The following LHFPL6 variants were observed in gnomAD, a reference collection of about 807,000 sequenced individuals.
The protein encoded by LHFPL6 is LHFPL tetraspan subfamily member 6.
In LHFPL6, 9 loss-of-function variants were observed where a neutral mutation model predicts 20.6. The observed-to-expected ratio is 0.44, with a 90% CI of 0.26 to 0.76. The LOEUF (loss-of-function observed/expected upper bound fraction) is 0.76, where lower values mean the gene tolerates loss of function less well. Ranked by LOEUF, LHFPL6 falls within the 30% of genes least tolerant of loss-of-function variation. The pLI is 0.20. For synonymous variants in LHFPL6, 105 were observed against 98.7 expected, an observed-to-expected ratio of 1.06 and a Z score of -0.38; for missense variants, 218 against 253.5, an observed-to-expected ratio of 0.86 and a Z score of 0.95.
intron 2 of LHFPL6, among the ~76,000 whole-genome samples, chr13:39,463,533 A>G (rs2138430679): frequency 6.6e-6 from 1 of 152,338 alleles, no homozygotes; most frequent in East Asian, 1.9e-4. Flanking sequence ...TCTTGCATAC[A>G]AAGATTTATT....
chr13:39,590,031 G>A (rs1872552897), intron 2 of LHFPL6, among the ~76,000 whole-genome samples: 1 of 152,082 alleles, frequency 6.6e-6, no homozygotes, highest in Non-Finnish European at 1.5e-5. Context: ...CAAAAATTCT[G>A]ATTTCTAAAT....
At chr13:39,518,152 C>T (rs971636715) in intron 2 of LHFPL6, among the ~76,000 whole-genome samples, 3 of 150,346 alleles carry the variant, frequency 2.0e-5, no homozygotes, top group South Asian at 2.2e-4. Flanking sequence ...CGAATAGCGA[C>T]GCTCAAAGAC....
chr13:39,392,839 AT>A (rs773222031), intron 2 of LHFPL6, among the ~76,000 whole-genome samples: 2 of 151,960 alleles, frequency 1.3e-5, no homozygotes, highest in East Asian at 1.9e-4. Flanking sequence ...TGTAAAATAT[AT>A]TTATAAGATA....
intron 2 of LHFPL6, among the ~76,000 whole-genome samples, chr13:39,494,462 A>G (rs572903246): frequency 4.6e-5 from 7 of 152,072 alleles, no homozygotes; most frequent in Non-Finnish European, 8.8e-5. Flanking sequence ...ATGGGATTCC[A>G]CCTTGGCAGC....
chr13:39,447,767 C>T (rs1400858150), intron 2 of LHFPL6, among the ~76,000 whole-genome samples: 1 of 152,116 alleles, frequency 6.6e-6, no homozygotes, highest in Non-Finnish European at 1.5e-5. Context: ...AGATCCATCC[C>T]CGACCTAGTA....
chr13:39,442,592 C>T (rs1395291434), intron 2 of LHFPL6, among the ~76,000 whole-genome samples: 1 of 152,206 alleles, frequency 6.6e-6, no homozygotes, highest in African/African-American at 2.4e-5. Context: ...GGAACGATTG[C>T]TGATTAGCTA....
intron 2 of LHFPL6, among the ~76,000 whole-genome samples, chr13:39,402,956 A>T (rs1377802265): frequency 1.3e-5 from 2 of 152,208 alleles, no homozygotes; most frequent in African/African-American, 2.4e-5. Context: ...ACAGTACTCA[A>T]GTCCTCACTT....
chr13:39,589,253 C>T (rs182239420), intron 2 of LHFPL6, among the ~76,000 whole-genome samples: 20 of 152,222 alleles, frequency 1.3e-4, no homozygotes, highest in African/African-American at 4.8e-4. Context: ...ATTACAGGCG[C>T]ATGCCACCAC....
chr13:39,413,219 T>C (rs7984218), intron 2 of LHFPL6, among the ~76,000 whole-genome samples: 5,376 of 152,170 alleles, frequency 0.035, 96 homozygotes, highest in Middle Eastern at 0.044. Context: ...GAAGGAAAAA[T>C]AGCATTTGTT....
intron 2 of LHFPL6, among the ~76,000 whole-genome samples, chr13:39,434,074 T>C (rs934661349): frequency 4.6e-5 from 7 of 152,142 alleles, no homozygotes; most frequent in Admixed American, 3.3e-4. Context: ...CATCTACCAA[T>C]GGATTCTTTG....
In LHFPL6 at chr13:39,343,752, T is replaced by C. The variant is rs544227522; in HGVS notation, c.*184A>G. The C allele has an allele frequency of 1.3e-4, 76 of 569,022 alleles. No individual in the cohort carries two copies. Among genetic ancestry groups the C allele is most frequent in the South Asian group, 5.8e-4 (22 of 38,128 alleles). The allele number at this position is 569,022 out of a possible 1,614,324, so 35.2% of individuals were successfully genotyped here. A position where few individuals can be genotyped will look rare whatever the true frequency, so the allele number is the denominator to read the frequency against. On this transcript the variant is annotated 3_prime_UTR_variant, in exon 4 of 4. Coordinates refer to ENST00000379589, the MANE Select transcript of LHFPL6 (RefSeq NM_005780.3). ...CATCATTCTATACTCTCCTTTTTTT[T>C]CCCCCACAAATCTCCTACAATCCTT...
intron 2 of LHFPL6, among the ~76,000 whole-genome samples, chr13:39,503,028 G>C (rs1046941356): frequency 2.6e-5 from 4 of 152,060 alleles, no homozygotes; most frequent in African/African-American, 9.7e-5. Context: ...AAAGTGCTGG[G>C]ATTACAGCCA....
intron 2 of LHFPL6, among the ~76,000 whole-genome samples, chr13:39,466,566 C>T (rs531222289): frequency 6.6e-6 from 1 of 152,254 alleles, no homozygotes; most frequent in African/African-American, 2.4e-5. Context: ...TAGTTTGGGG[C>T]CCTGGCTTTA....
intron 2 of LHFPL6, among the ~76,000 whole-genome samples, chr13:39,567,271 C>T (rs1871754060): frequency 6.6e-6 from 1 of 152,012 alleles, no homozygotes; most frequent in Non-Finnish European, 1.5e-5. Flanking sequence ...TCTCAAATTT[C>T]AAAAGAATAA....
intron 2 of LHFPL6, among the ~76,000 whole-genome samples, chr13:39,451,940 G>T (rs191239400): frequency 5.9e-5 from 9 of 152,266 alleles, no homozygotes; most frequent in African/African-American, 2.2e-4. Flanking sequence ...GTGTGTGTGT[G>T]TGTGTGTGCG....
chr13:39,547,065 G>A (rs1249969875), intron 2 of LHFPL6, among the ~76,000 whole-genome samples: 2 of 152,022 alleles, frequency 1.3e-5, no homozygotes, highest in African/African-American at 2.4e-5. Context: ...AAGCCTCTCA[G>A]AATTTTCCTC....
chr13:39,374,133 C>T (rs138617317), intron 3 of LHFPL6, among the ~76,000 whole-genome samples: 3,322 of 152,214 alleles, frequency 0.022, 50 homozygotes, highest in Middle Eastern at 0.041. Context: ...CCTAGGTGTC[C>T]ATCAATGGTG....
At chr13:39,395,441 G>C (rs930056385) in intron 2 of LHFPL6, among the ~76,000 whole-genome samples, 12 of 152,162 alleles carry the variant, frequency 7.9e-5, no homozygotes, top group African/African-American at 2.9e-4. Context: ...CTATTTCCCA[G>C]AGCCTCCTCT....
At chr13:39,579,640 G>T (rs967160284) in intron 2 of LHFPL6, among the ~76,000 whole-genome samples, 1 of 152,024 alleles carries the variant, frequency 6.6e-6, no homozygotes, top group Non-Finnish European at 1.5e-5. Context: ...AACCATCAAA[G>T]ATATTATTTT....
Sources: allele counts gnomAD v4.1 joint callset (sites outside exome capture counted in the v4.1 genomes callset), GRCh38; gene constraint gnomAD v4.1.1; transcripts MANE v1.5; gene names NCBI Gene and HGNC (gene_info 2026-07-23, HGNC 2026-07-21).